The following LYRM4 variants were observed in gnomAD, a reference collection of about 807,000 sequenced individuals.
LYRM4 encodes the protein LYR motif-containing protein 4.
In LYRM4, 9 loss-of-function variants were observed where a neutral mutation model predicts 11.7. The observed-to-expected ratio is 0.77, with a 90% CI of 0.46 to 1.34. LYRM4 has a LOEUF of 1.34. Ranked by LOEUF, LYRM4 falls within the 40% of genes most tolerant of loss-of-function variation. The probability of loss-of-function intolerance (pLI) is 0.00; values close to 1 mark genes in which losing one functional copy is unlikely to be tolerated. For synonymous variants in LYRM4, 42 were observed against 40.4 expected (o/e 1.04, Z -0.15); for missense variants, 133 against 112.5 (o/e 1.18, Z -0.82).
At chr6:5,118,817 G>T (rs527498292) in intron 2 of LYRM4, among the ~76,000 whole-genome samples, 3 of 152,010 alleles carry the variant, frequency 2.0e-5, no homozygotes, top group Non-Finnish European at 2.9e-5. Flanking sequence ...TACGAATATC[G>T]ACCCCATGGT....
the LYRM4 span, among the ~76,000 whole-genome samples, chr6:5,090,823 TAGCACAACGGTTTCTATTTTAGTAGGCTA>T: frequency 6.6e-6 from 1 of 152,208 alleles, no homozygotes; most frequent in South Asian, 2.1e-4. The surrounding 1 kb of genome is among the most constrained non-coding windows in gnomAD (Gnocchi z 4.8). Context: ...TTCAGCTTTC[TAGCACAACGGTTTCTATTTTAGTAGGCTA>T]AGATCTTTCA....
chr6:5,050,741 A>T, the LYRM4 span, among the ~76,000 whole-genome samples: 1 of 152,334 alleles, frequency 6.6e-6, no homozygotes, highest in Non-Finnish European at 1.5e-5. Flanking sequence ...GCAGAGAGTT[A>T]CAGAGTTACA....
the LYRM4 span, among the ~76,000 whole-genome samples, chr6:5,064,132 C>T: frequency 2.6e-5 from 4 of 152,034 alleles, no homozygotes; most frequent in African/African-American, 9.7e-5. Flanking sequence ...TGAAAGGGAC[C>T]CAGGTTTTAG....
chr6:5,253,008 C>T (rs1764504805), intron 1 of LYRM4, among the ~76,000 whole-genome samples: 2 of 152,212 alleles, frequency 1.3e-5, no homozygotes, highest in Admixed American at 6.5e-5. Flanking sequence ...ACTTAGGAGA[C>T]CAGCTCCTTT....
rs1383302660 is a variant in LYRM4, at chr6:5,260,718, G to C, written c.16C>G (p.Arg6Gly). 6.4e-7 allele frequency: 1 copy of C among 1,551,442 alleles called. No homozygotes were observed. The highest frequency in any genetic ancestry group is 8.7e-7 in the Non-Finnish European group (1 of 1,148,920). ...CGGTACAGAGATAACACTTGTGCGCGACTGGAGGCTGCCATTTTGGAAAGA... is the reference window on the plus strand; with the variant it reads ...CGGTACAGAGATAACACTTGTGCGCCACTGGAGGCTGCCATTTTGGAAAGA... Reference protein sequence around the residue: MAASSRAQVLSLYRAM... With the variant: MAASSGAQVLSLYRAM... Residue 6 changes from arginine to glycine, a missense_variant, in exon 1 of 3, where the codon CGC becomes GGC. Arg to Gly is a moderately radical substitution (Grantham distance 125). Coordinates refer to ENST00000330636, the MANE Select transcript of LYRM4 (RefSeq NM_020408.6).
chr6:5,121,803 T>C (rs1039583754), intron 2 of LYRM4, among the ~76,000 whole-genome samples: 31 of 152,240 alleles, frequency 2.0e-4, no homozygotes, highest in African/African-American at 7.2e-4. Context: ...CTCTGCTTCA[T>C]GCCACCAAAA....
At chr6:5,066,412 C>G in the LYRM4 span, 2 of 743,596 alleles carry the variant, frequency 2.7e-6, no homozygotes, top group East Asian at 4.9e-5. Context: ...ATTCTAGTTA[C>G]TTTTAAAGGG....
intron 2 of LYRM4, among the ~76,000 whole-genome samples, chr6:5,147,693 A>G (rs1373854126): frequency 2.6e-5 from 4 of 152,224 alleles, no homozygotes; most frequent in African/African-American, 9.7e-5. Context: ...AAATATTTCC[A>G]TGTAGAGACG....
At chr6:5,256,001 AT>A (rs1465797430) in intron 1 of LYRM4, among the ~76,000 whole-genome samples, 2 of 151,898 alleles carry the variant, frequency 1.3e-5, no homozygotes, top group Admixed American at 1.3e-4. Flanking sequence ...TAAGTACTTG[AT>A]GTGTATTAAC....
At chr6:5,163,962 T>C (rs995953818) in intron 2 of LYRM4, among the ~76,000 whole-genome samples, 1 of 152,168 alleles carries the variant, frequency 6.6e-6, no homozygotes, top group Non-Finnish European at 1.5e-5. Flanking sequence ...TAACATTGAG[T>C]ATTCTAATCT....
chr6:5,234,331 G>T (rs1286423467), intron 1 of LYRM4, among the ~76,000 whole-genome samples: 1 of 152,238 alleles, frequency 6.6e-6, no homozygotes, highest in Non-Finnish European at 1.5e-5. Flanking sequence ...AATGGCAAGT[G>T]GCCTTCACGG....
At chr6:5,231,322 C>A (rs1763229800) in intron 1 of LYRM4, among the ~76,000 whole-genome samples, 1 of 152,310 alleles carries the variant, frequency 6.6e-6, no homozygotes, top group South Asian at 2.1e-4. Context: ...GGCTGCAGGG[C>A]CGAATTCAGG....
At chr6:5,212,894 A>G (rs1762058329) in intron 2 of LYRM4, among the ~76,000 whole-genome samples, 2 of 152,212 alleles carry the variant, frequency 1.3e-5, no homozygotes, top group Non-Finnish European at 2.9e-5. Context: ...CTTGCTTATC[A>G]TGAAAGAAAA....
chr6:5,107,206 TG>T (rs1324010475), downstream of LYRM4: 3 of 152,270 alleles, frequency 2.0e-5, no homozygotes, highest in East Asian at 5.8e-4. Context: ...AACCCATTCA[TG>T]CAGTTTAATG....
chr6:5,134,069 C>T (rs1764079258), intron 2 of LYRM4, among the ~76,000 whole-genome samples: 1 of 152,178 alleles, frequency 6.6e-6, no homozygotes. Flanking sequence ...TGTGAACATA[C>T]GAATACAAGA....
intron 1 of LYRM4, among the ~76,000 whole-genome samples, chr6:5,243,965 A>T (rs942209851): frequency 1.3e-5 from 2 of 152,158 alleles, no homozygotes; most frequent in Non-Finnish European, 2.9e-5. Flanking sequence ...TTACGTTCTT[A>T]TTTTTTAAAA....
rs950111112 is a variant in LYRM4, at chr6:5,178,040, T to C, written c.207+38578A>G. Among the ~76,000 whole-genome samples, 18 of 152,338 alleles carry C rather than the reference T, an allele frequency of 1.2e-4. 1 individual carries two copies. Among genetic ancestry groups the C allele is most frequent in the Admixed American group, 8.5e-4 (13 of 15,304 alleles). ...GTATTTAATTACTTGTGAGAATGTC[T>C]GTCTTCCCCTAAGAGTGTCACCAGC... is the stretch of plus-strand genomic sequence containing the variant. On this transcript the variant is annotated intron_variant, in intron 2 of 2. Transcript: ENST00000330636.
intron 1 of LYRM4, among the ~76,000 whole-genome samples, chr6:5,230,299 G>A (rs181059587): frequency 4.6e-5 from 7 of 152,240 alleles, no homozygotes; most frequent in African/African-American, 9.6e-5. Flanking sequence ...GGGAAAAAAC[G>A]CACTTTCCTC....
At chr6:5,098,474 G>A in the LYRM4 span, among the ~76,000 whole-genome samples, 3 of 152,232 alleles carry the variant, frequency 2.0e-5, no homozygotes, top group African/African-American at 4.8e-5. Flanking sequence ...TACCCTCGGA[G>A]TGGGCCTGTC....
Sources: allele counts gnomAD v4.1 joint callset (sites outside exome capture counted in the v4.1 genomes callset), GRCh38; gene constraint gnomAD v4.1.1; non-coding constraint Gnocchi (gnomAD v3.1); transcripts MANE v1.5; gene names NCBI Gene and HGNC (gene_info 2026-07-23, HGNC 2026-07-21).